PRKN: variants seen among roughly 807,000 people sequenced by gnomAD.
PRKN encodes the protein parkin RBR E3 ubiquitin protein ligase.
A neutral mutation model predicts 59.5 loss-of-function variants in PRKN; 56 were observed. That is an observed-to-expected ratio of 0.94 (90% CI 0.76 to 1.18). The LOEUF (loss-of-function observed/expected upper bound fraction) is 1.18. Among genes scored for constraint, PRKN ranks in the 50% most tolerant of loss-of-function variants. The pLI is 0.00. For missense variants in PRKN, 657 were observed against 596.4 expected (o/e 1.10, Z -1.06); for synonymous variants, 250 against 222.1 (o/e 1.13, Z -1.12).
chr6:162,563,983 C>CA (rs34846475), intron 1 of PRKN, among the ~76,000 whole-genome samples: 46,416 of 146,454 alleles, frequency 0.32, 7,541 homozygotes, highest in East Asian at 0.51. Flanking sequence ...TCTGAGGAGA[C>CA]AAAAAAAAAA....
chr6:162,211,615 G>A (rs1227410518), intron 3 of PRKN, among the ~76,000 whole-genome samples: 3 of 152,114 alleles, frequency 2.0e-5, no homozygotes, highest in East Asian at 3.9e-4. Context: ...AGAGCAACAC[G>A]GTGTGAGCCT....
rs188447032 is a variant in PRKN, at chr6:162,467,121, C to T, written c.8-23648G>A. Among the ~76,000 whole-genome samples, 813 of 152,278 alleles carry T rather than the reference C, an allele frequency of 5.3e-3. 2 individuals are homozygous for T. The highest frequency in any genetic ancestry group is 7.5e-3 in the Non-Finnish European group (507 of 68,026). ...TGACTTCTTATGGAAGGCCTCTCAA[C>T]AGTGCTGTTTAAAAATCACACGTAA... On this transcript the variant is annotated intron_variant, in intron 1 of 11. Transcript: ENST00000366898.
chr6:162,624,159 A>T (rs1349030290), intron 1 of PRKN, among the ~76,000 whole-genome samples: 1 of 151,712 alleles, frequency 6.6e-6, no homozygotes, highest in African/African-American at 2.4e-5. Flanking sequence ...GAGGCAGGAG[A>T]ATCGCTTGAA....
chr6:161,628,566 A>G (rs1471505771), intron 7 of PRKN, among the ~76,000 whole-genome samples: 1 of 152,226 alleles, frequency 6.6e-6, no homozygotes, highest in Non-Finnish European at 1.5e-5. Flanking sequence ...CCTTCAGTTC[A>G]TAGCAGTGGG....
intron 7 of PRKN, among the ~76,000 whole-genome samples, chr6:161,658,215 C>A (rs1784425773): frequency 6.7e-6 from 1 of 149,918 alleles, no homozygotes; most frequent in Non-Finnish European, 1.5e-5. Flanking sequence ...ATTTTTTTTT[C>A]AGAAATGCAA....
intron 6 of PRKN, among the ~76,000 whole-genome samples, chr6:161,826,175 C>T (rs1344188633): frequency 1.3e-5 from 2 of 152,146 alleles, no homozygotes; most frequent in African/African-American, 4.8e-5. Context: ...CATACCAAAA[C>T]ATGTCAGTAC....
In PRKN at chr6:161,497,577, T is replaced by TCACA. The variant is rs71278571; in HGVS notation, c.1083+51273_1083+51276dup. Among the ~76,000 whole-genome samples, 1,130 of 147,430 alleles carry TCACA rather than the reference T, an allele frequency of 7.7e-3. 8 individuals are homozygous for TCACA. Among genetic ancestry groups the TCACA allele is most frequent in the African/African-American group, 0.018 (703 of 39,764 alleles). ...ATGTCTCTCTCTCTCTCTCTCTCTCTCACACACACACACACACACACCATA... is the reference window on the plus strand; with the variant it reads ...ATGTCTCTCTCTCTCTCTCTCTCTCTCACACACACACACACACACACACACCATA... On this transcript the variant is annotated intron_variant, in intron 9 of 11. Transcript: ENST00000366898. The surrounding 1 kb of genome is among the most constrained non-coding windows in gnomAD (Gnocchi z 4.6).
chr6:162,438,396 T>C (rs1040235308), intron 2 of PRKN, among the ~76,000 whole-genome samples: 1 of 152,208 alleles, frequency 6.6e-6, no homozygotes, highest in Non-Finnish European at 1.5e-5. Flanking sequence ...TCCTTCCTAG[T>C]GTTCCAAAAT....
intron 7 of PRKN, among the ~76,000 whole-genome samples, chr6:161,638,300 A>AT (rs200476803): frequency 0.024 from 3,614 of 151,776 alleles, 144 homozygotes; most frequent in African/African-American, 0.083. Flanking sequence ...GCCAGGCTAA[A>AT]TTTTTTTGTG....
chr6:161,782,241 T>C (rs768092280), intron 7 of PRKN, among the ~76,000 whole-genome samples: 6 of 152,108 alleles, frequency 3.9e-5, no homozygotes, highest in Non-Finnish European at 8.8e-5. Context: ...TGTAAGAAAA[T>C]ATCTATATCG....
intron 1 of PRKN, among the ~76,000 whole-genome samples, chr6:162,609,408 C>A (rs59067610): frequency 0.12 from 18,533 of 152,164 alleles, 1,245 homozygotes; most frequent in Middle Eastern, 0.2. Context: ...AGAATAGCAA[C>A]TTCATATAGT....
chr6:161,892,878 T>C (rs1258881313), intron 6 of PRKN, among the ~76,000 whole-genome samples: 1 of 152,250 alleles, frequency 6.6e-6, no homozygotes, highest in African/African-American at 2.4e-5. Context: ...AGTCTCACTC[T>C]ATCACCCAGG....
chr6:161,853,462 T>C (rs1007135991), intron 6 of PRKN, among the ~76,000 whole-genome samples: 2 of 152,212 alleles, frequency 1.3e-5, no homozygotes, highest in African/African-American at 4.8e-5. Context: ...TTGGATATAA[T>C]TGCTTTTGAA....
chr6:162,283,979 T>C (rs934842296), intron 2 of PRKN, among the ~76,000 whole-genome samples: 2 of 152,098 alleles, frequency 1.3e-5, no homozygotes, highest in African/African-American at 2.4e-5. Context: ...TAAGTACACA[T>C]ATAATTCACA....
At chr6:161,677,275 C>A (rs190151342) in intron 7 of PRKN, among the ~76,000 whole-genome samples, 1 of 150,682 alleles carries the variant, frequency 6.6e-6, no homozygotes, top group Non-Finnish European at 1.5e-5. Flanking sequence ...GAAATCTTAG[C>A]CTTGGAGAAG....
At chr6:161,730,527 C>T (rs893535337) in intron 7 of PRKN, among the ~76,000 whole-genome samples, 3 of 148,594 alleles carry the variant, frequency 2.0e-5, no homozygotes, top group Non-Finnish European at 4.4e-5. Context: ...TGAAGTGTTG[C>T]ATTCTTTCTG....
chr6:162,102,408 C>T (rs1179359193), intron 4 of PRKN, among the ~76,000 whole-genome samples: 1 of 152,116 alleles, frequency 6.6e-6, no homozygotes. Context: ...CAATTAATGG[C>T]AATCATCAAT....
intron 6 of PRKN, among the ~76,000 whole-genome samples, chr6:161,814,446 G>T (rs1252066596): frequency 6.6e-6 from 1 of 152,202 alleles, no homozygotes; most frequent in African/African-American, 2.4e-5. Flanking sequence ...AGGCGAAAGA[G>T]GAGCAAAAGC....
rs1372819764 is a variant in PRKN, at chr6:161,904,308, GGTTT to G, written c.734+68990_734+68993del. On this transcript the variant is annotated intron_variant, in intron 6 of 11. Coordinates refer to ENST00000366898, the MANE Select transcript of PRKN (RefSeq NM_004562.3). Reference sequence around the variant, plus strand: ...TGTTGGCTTGTTTTCGAATTTGTGGGGTTTTTTTTTTTTTTTTTTTTTTTTGAGA... The same window carrying G: ...TGTTGGCTTGTTTTCGAATTTGTGGGTTTTTTTTTTTTTTTTTTTTTGAGA... Among the ~76,000 whole-genome samples the G allele has an allele frequency of 2.8e-4, 32 of 114,478 alleles. No individual in the cohort carries two copies. In the South Asian group the frequency reaches 4.5e-3, roughly 16 times the overall value. The allele number at this position is 114,478 out of a possible 152,430, so 75.1% of individuals were successfully genotyped here. A position where few individuals can be genotyped will look rare whatever the true frequency, so the allele number is the denominator to read the frequency against.
Sources: allele counts gnomAD v4.1 joint callset (sites outside exome capture counted in the v4.1 genomes callset), GRCh38; gene constraint gnomAD v4.1.1; non-coding constraint Gnocchi (gnomAD v3.1); transcripts MANE v1.5; gene names NCBI Gene and HGNC (gene_info 2026-07-23, HGNC 2026-07-21).